The following TECRL variants were observed in gnomAD, a reference collection of about 807,000 sequenced individuals.
The protein encoded by TECRL is trans-2,3-enoyl-CoA reductase like, also known as trans-2,3-enoyl-CoA reductase-like.
In TECRL, 63 loss-of-function variants were observed where a neutral mutation model predicts 52.8. That is an observed-to-expected ratio of 1.19 (90% CI 0.97 to 1.47). The LOEUF (loss-of-function observed/expected upper bound fraction) is 1.47, where lower values mean the gene tolerates loss of function less well. Ranked by LOEUF, TECRL falls within the 40% of genes most tolerant of loss-of-function variation. The pLI, the probability that TECRL is intolerant of heterozygous loss-of-function variation, is 0.00. For missense variants in TECRL, 482 were observed against 429.6 expected (o/e 1.12, Z -1.08); for synonymous variants, 164 against 141.9 (o/e 1.16, Z -1.10).
At chr4:64,337,960 A>G (rs1719240370) in intron 2 of TECRL, among the ~76,000 whole-genome samples, 1 of 152,020 alleles carries the variant, frequency 6.6e-6, no homozygotes, top group Non-Finnish European at 1.5e-5. Flanking sequence ...CCAAAAAAGA[A>G]CCCACATTGC....
chr4:64,382,317 T>C (rs554703901), intron 1 of TECRL, among the ~76,000 whole-genome samples: 1 of 145,528 alleles, frequency 6.9e-6, no homozygotes, highest in East Asian at 2.0e-4. Flanking sequence ...TTATATATTA[T>C]ATCTATATTA....
chr4:64,355,683 T>C (rs1311499553), intron 2 of TECRL, among the ~76,000 whole-genome samples: 1 of 151,058 alleles, frequency 6.6e-6, no homozygotes, highest in Non-Finnish European at 1.5e-5. Flanking sequence ...GCACCTGTAG[T>C]CCCAGCTACT....
chr4:64,403,590 T>C (rs930124503), intron 1 of TECRL, among the ~76,000 whole-genome samples: 2 of 151,870 alleles, frequency 1.3e-5, no homozygotes, highest in African/African-American at 4.8e-5. Flanking sequence ...AAATATAACT[T>C]CTCCAGGAAA....
chr4:64,300,968 T>G (rs1723986046), intron 7 of TECRL, among the ~76,000 whole-genome samples: 1 of 150,934 alleles, frequency 6.6e-6, no homozygotes. Context: ...GTATAAATCT[T>G]TTACTAAATT....
chr4:64,333,896 C>A (rs1424290568), intron 2 of TECRL, among the ~76,000 whole-genome samples: 1 of 141,290 alleles, frequency 7.1e-6, no homozygotes, highest in East Asian at 2.0e-4. Context: ...CGGTGGCGGG[C>A]GCCTGTAGTC....
intron 7 of TECRL, 105 bp from the exon 8 acceptor site, chr4:64,300,122 A>C: frequency 1.3e-6 from 1 of 789,978 alleles, no homozygotes; most frequent in Non-Finnish European, 1.9e-6. Flanking sequence ...TTCTATAATC[A>C]ATAGAACTGT....
In TECRL at chr4:64,286,532, C is replaced by T. The variant is rs565430639; in HGVS notation, c.832+3178G>A. ...TGTAATTTGAGGAAATTTTTTAGAACGTAAAAAAAAAAAACATGGATTAAC... is the reference window on the plus strand; with the variant it reads ...TGTAATTTGAGGAAATTTTTTAGAATGTAAAAAAAAAAAACATGGATTAAC... On this transcript the variant is annotated intron_variant, in intron 9 of 11. Transcript: ENST00000381210. Among the ~76,000 whole-genome samples the T allele has an allele frequency of 5.6e-3, 787 of 140,328 alleles. 5 individuals are homozygous for T. The highest frequency in any genetic ancestry group is 0.02 in the African/African-American group (742 of 38,028). The allele number at this position is 140,328 out of a possible 152,430, so 92.1% of individuals were successfully genotyped here.
At chr4:64,368,522 C>T (rs933313508) in intron 2 of TECRL, among the ~76,000 whole-genome samples, 2 of 152,112 alleles carry the variant, frequency 1.3e-5, no homozygotes, top group East Asian at 3.9e-4. Flanking sequence ...TCTCAAACTC[C>T]TGACCTCATG....
intron 1 of TECRL, among the ~76,000 whole-genome samples, chr4:64,399,255 C>T (rs891539018): frequency 5.3e-5 from 8 of 152,112 alleles, no homozygotes. Flanking sequence ...GTTCAAGATG[C>T]ACACTGGCTA....
chr4:64,348,261 A>AGG (rs1720131896), intron 2 of TECRL, among the ~76,000 whole-genome samples: 1 of 152,178 alleles, frequency 6.6e-6, no homozygotes, highest in African/African-American at 2.4e-5. Context: ...GACAGAAGAG[A>AGG]GAGAAAAATA....
In TECRL at chr4:64,279,468, G is replaced by T. The variant is rs2109918718; in HGVS notation, c.*604C>A. ...TCTCAATATGCTTTTTAGAGACAGAGTCTCAATATGTTGCCCAGATCTCAA... is the reference window on the plus strand; with the variant it reads ...TCTCAATATGCTTTTTAGAGACAGATTCTCAATATGTTGCCCAGATCTCAA... On this transcript the variant is annotated 3_prime_UTR_variant, in exon 12 of 12. Coordinates refer to ENST00000381210, the MANE Select transcript of TECRL (RefSeq NM_001010874.5). The T allele has an allele frequency of 6.6e-6, 1 of 152,286 alleles. No individual in the cohort carries two copies. The highest frequency in any genetic ancestry group is 2.4e-5 in the African/African-American group (1 of 41,544). 9.4% of individuals were successfully genotyped at this position (152,286 alleles called of 1,614,324 possible).
At chr4:64,299,914 G>A (rs1723910421) in intron 8 of TECRL, 60 bp downstream of exon 8, 1 of 1,002,824 alleles carries the variant, frequency 1.0e-6, no homozygotes, top group Non-Finnish European at 1.4e-6. Flanking sequence ...GATACAGTCT[G>A]TTTTTCTTAA....
chr4:64,320,881 T>G (rs1197024106), intron 4 of TECRL, among the ~76,000 whole-genome samples: 4 of 152,120 alleles, frequency 2.6e-5, no homozygotes, highest in African/African-American at 9.6e-5. Flanking sequence ...AACATTAAAA[T>G]GTGCTTCACA....
chr4:64,312,766 CA>C (rs5858874), intron 5 of TECRL, among the ~76,000 whole-genome samples: 104 of 143,606 alleles, frequency 7.2e-4, no homozygotes, highest in Non-Finnish European at 7.9e-4. Flanking sequence ...GACCCTCTCT[CA>C]AAAAAAAAAA....
chr4:64,398,977 G>A (rs1006787522), intron 1 of TECRL, among the ~76,000 whole-genome samples: 18 of 152,142 alleles, frequency 1.2e-4, no homozygotes, highest in Non-Finnish European at 2.5e-4. Flanking sequence ...CCATGCCCTA[G>A]GGATCCGTGG....
intron 4 of TECRL, among the ~76,000 whole-genome samples, chr4:64,321,051 C>T (rs544074270): frequency 5.8e-4 from 88 of 152,044 alleles, no homozygotes; most frequent in Middle Eastern, 3.4e-3. Flanking sequence ...ACTGCAAACA[C>T]GACCATAGAA....
chr4:64,293,520 A>G (rs1176811336), intron 8 of TECRL, among the ~76,000 whole-genome samples: 2 of 152,168 alleles, frequency 1.3e-5, no homozygotes, highest in South Asian at 2.1e-4. Flanking sequence ...TCAGCAATAA[A>G]GTTGCTCATC....
chr4:64,316,530 C>T (rs1717504800), intron 4 of TECRL, among the ~76,000 whole-genome samples: 1 of 151,928 alleles, frequency 6.6e-6, no homozygotes, highest in Non-Finnish European at 1.5e-5. Flanking sequence ...AGAAAGTAAT[C>T]AGAAAATAGT....
chr4:64,353,267 C>A (rs1454348213), intron 2 of TECRL, among the ~76,000 whole-genome samples: 3 of 152,054 alleles, frequency 2.0e-5, no homozygotes, highest in Non-Finnish European at 4.4e-5. Context: ...AGTTAATACA[C>A]AGTGTGCATA....
Sources: gnomAD v4.1 joint callset for allele counts (sites outside exome capture counted in the v4.1 genomes callset) on GRCh38, gnomAD v4.1.1 for gene constraint, MANE v1.5 for transcripts, NCBI Gene and HGNC (gene_info 2026-07-23, HGNC 2026-07-21) for gene names.